Variants in NAALAD2 observed in about 807,000 individuals in gnomAD.
The protein encoded by NAALAD2 is N-acetylated-alpha-linked acidic dipeptidase 2.
In NAALAD2, 89 loss-of-function variants were observed where a neutral mutation model predicts 95.6. That is an observed-to-expected ratio of 0.93 (90% CI 0.78 to 1.11). The LOEUF (loss-of-function observed/expected upper bound fraction) is 1.11, where lower values mean the gene tolerates loss of function less well. NAALAD2 is among the 50% of genes least tolerant of loss of function. The pLI, the probability that NAALAD2 is intolerant of heterozygous loss-of-function variation, is 0.00. For synonymous variants in NAALAD2, 264 were observed against 294.4 expected (o/e 0.90, Z 1.06); for missense variants, 894 against 872.4 (o/e 1.02, Z -0.31).
intron 6 of NAALAD2, among the ~76,000 whole-genome samples, chr11:90,155,067 T>C (rs1357695453): frequency 1.6e-5 from 2 of 121,954 alleles, no homozygotes. Flanking sequence ...CATATACATA[T>C]GTATATATGT....
rs1857360859 is a variant in NAALAD2 at position 90,192,485 on chromosome 11, A to G, written c.*738A>G. On this transcript the variant is annotated 3_prime_UTR_variant, in exon 19 of 19. Coordinates refer to ENST00000534061, the MANE Select transcript of NAALAD2 (RefSeq NM_005467.4). ...GGGAGGATGGCTGCAAAGAAGTATG[A>G]GGAAACTTTCTCCAATAGATGAGAA... 6.6e-6 allele frequency: 1 copy of G among 152,104 alleles called. No homozygotes were observed. The highest frequency in any genetic ancestry group is 1.5e-5 in the Non-Finnish European group (1 of 67,930). The allele number at this position is 152,104 out of a possible 1,614,324, so 9.4% of individuals were successfully genotyped here. A position where few individuals can be genotyped will look rare whatever the true frequency, so the allele number is the denominator to read the frequency against.
At chr11:90,136,708 G>T (rs564149141) in intron 2 of NAALAD2, among the ~76,000 whole-genome samples, 3 of 152,220 alleles carry the variant, frequency 2.0e-5, no homozygotes, top group Admixed American at 6.5e-5. Context: ...TATAGTTTTT[G>T]ACTATTGTGA....
At chr11:90,143,712 A>G (rs1951677901) in intron 2 of NAALAD2, among the ~76,000 whole-genome samples, 1 of 152,160 alleles carries the variant, frequency 6.6e-6, no homozygotes, top group Non-Finnish European at 1.5e-5. Flanking sequence ...TACATACACT[A>G]CAGTTAACAG....
chr11:90,171,323 C>T (rs1382117476), intron 13 of NAALAD2, among the ~76,000 whole-genome samples: 1 of 152,124 alleles, frequency 6.6e-6, no homozygotes, highest in African/African-American at 2.4e-5. Context: ...CTCTCTTTTT[C>T]ATGTCTTTAA....
At chr11:90,146,960 C>A (rs142869570) in intron 2 of NAALAD2, among the ~76,000 whole-genome samples, 1 of 152,024 alleles carries the variant, frequency 6.6e-6, no homozygotes, top group East Asian at 1.9e-4. Context: ...GTGGTCCCTG[C>A]GAGAGGTTAA....
intron 4 of NAALAD2, among the ~76,000 whole-genome samples, chr11:90,149,392 G>C (rs1444680594): frequency 6.6e-6 from 1 of 152,126 alleles, no homozygotes; most frequent in Non-Finnish European, 1.5e-5. Context: ...ATGCCTTTCA[G>C]TGAGGCAGTA....
chr11:90,149,036 C>T lies in NAALAD2; in HGVS notation c.412C>T (p.Pro138Ser). Residue 138 changes from proline to serine, a missense_variant, in exon 4 of 19, where the codon CCA becomes TCA. By Grantham distance (74) the Pro-to-Ser change is moderately conservative (BLOSUM62 -1). Coordinates refer to ENST00000534061, the MANE Select transcript of NAALAD2 (RefSeq NM_005467.4). ...CAAAACATCATACCTTGAACCACCA[C>T]CAGATGGCTATGAGAATGTTACAAA... The part of the protein sequence containing the change: ...IFKTSYLEPP[P>S]DGYENVTNIV... 12 of 1,606,556 alleles carry T rather than the reference C, an allele frequency of 7.5e-6. No homozygotes were observed. The highest frequency in any genetic ancestry group is 1.0e-5 in the Non-Finnish European group (12 of 1,176,540).
At chr11:90,132,533 A>G (rs1951368439), upstream of NAALAD2, among the ~76,000 whole-genome samples, 1 of 152,170 alleles carries the variant, frequency 6.6e-6, no homozygotes, top group Admixed American at 6.5e-5. Context: ...TTACACAATC[A>G]ATACCCAAAA....
chr11:90,159,460 A>G (rs1952222362), intron 8 of NAALAD2, 123 bp downstream of exon 8: 1 of 643,896 alleles, frequency 1.6e-6, no homozygotes, highest in Non-Finnish European at 2.7e-6. Context: ...CAACCATTTT[A>G]CATTACTTAA....
chr11:90,175,955 T>TGTGTGTG lies in NAALAD2; in HGVS notation c.1503-17_1503-16insGTGTGTG. On this transcript the variant is annotated splice_polypyrimidine_tract_variant and intron_variant, in intron 14 of 18. Transcript: ENST00000534061. ...GTGTGTGTGTGTGTGTGTGTGTGGATTGCATTCTACATCTAGAATCAATAA... is the reference window on the plus strand; with the variant it reads ...GTGTGTGTGTGTGTGTGTGTGTGGATGTGTGTGTGCATTCTACATCTAGAATCAATAA... 2.0e-6 allele frequency: 3 copies of TGTGTGTG among 1,507,886 alleles called. No homozygotes were observed. Among genetic ancestry groups the TGTGTGTG allele is most frequent in the Non-Finnish European group, 2.8e-6 (3 of 1,083,096 alleles). 93.4% of individuals were successfully genotyped at this position (1,507,886 alleles called of 1,614,324 possible). A position where few individuals can be genotyped will look rare whatever the true frequency, so the allele number is the denominator to read the frequency against.
chr11:90,148,925 T>C, intron 3 of NAALAD2, 81 bp from the exon 4 acceptor site: 1 of 783,616 alleles, frequency 1.3e-6, no homozygotes, highest in Non-Finnish European at 2.1e-6. Flanking sequence ...TAATCTGAAG[T>C]ATATACTTGG....
intron 18 of NAALAD2, among the ~76,000 whole-genome samples, chr11:90,186,018 C>CTT (rs960999355): frequency 1.4e-3 from 206 of 149,310 alleles, no homozygotes; most frequent in African/African-American, 4.8e-3. Context: ...AACTTGTAAT[C>CTT]TTTTTTTTTT....
intron 18 of NAALAD2, among the ~76,000 whole-genome samples, chr11:90,190,533 T>C (rs1215755336): frequency 6.6e-6 from 1 of 152,214 alleles, no homozygotes; most frequent in Non-Finnish European, 1.5e-5. Flanking sequence ...TTTTTTGCTA[T>C]ATTCTTCCTT....
chr11:90,176,485 C>T (rs1345203792), intron 15 of NAALAD2, among the ~76,000 whole-genome samples: 1 of 152,160 alleles, frequency 6.6e-6, no homozygotes, highest in Non-Finnish European at 1.5e-5. Flanking sequence ...AGCTCCTCTT[C>T]ATATTGCCAC....
intron 11 of NAALAD2, among the ~76,000 whole-genome samples, chr11:90,168,125 C>T (rs1261324939): frequency 6.6e-6 from 1 of 151,510 alleles, no homozygotes; most frequent in Non-Finnish European, 1.5e-5. Context: ...TACGAACCCA[C>T]CAGGAGGAAG....
chr11:90,162,160 C>T (rs952038502), intron 8 of NAALAD2, among the ~76,000 whole-genome samples: 19 of 152,170 alleles, frequency 1.2e-4, no homozygotes, highest in African/African-American at 3.6e-4. Flanking sequence ...AATTTTGTTC[C>T]CTTGGGGAAA....
intron 6 of NAALAD2, among the ~76,000 whole-genome samples, 183 bp from the exon 7 acceptor site, chr11:90,157,962 G>A (rs367864280): frequency 1.2e-3 from 180 of 152,146 alleles, no homozygotes; most frequent in African/African-American, 4.2e-3. Flanking sequence ...CTCATGATCC[G>A]CCCACCTCTG....
intron 8 of NAALAD2, among the ~76,000 whole-genome samples, chr11:90,161,497 C>T (rs1475355492): frequency 6.6e-6 from 1 of 152,110 alleles, no homozygotes; most frequent in East Asian, 1.9e-4. Flanking sequence ...TCTGGGGATT[C>T]AGCAGTGAAT....
At chr11:90,132,414 A>G (rs533198616), upstream of NAALAD2, among the ~76,000 whole-genome samples, 20 of 152,298 alleles carry the variant, frequency 1.3e-4, no homozygotes, top group Admixed American at 1.2e-3. Flanking sequence ...TCTTCAGTAA[A>G]TCTTTTCCTG....
Sources: allele counts gnomAD v4.1 joint callset (sites outside exome capture counted in the v4.1 genomes callset), GRCh38; gene constraint gnomAD v4.1.1; transcripts MANE v1.5; gene names NCBI Gene and HGNC (gene_info 2026-07-23, HGNC 2026-07-21).